TIMP2: variants seen among roughly 807,000 people sequenced by gnomAD.
The protein encoded by TIMP2 is metalloproteinase inhibitor 2.
A neutral mutation model predicts 24.3 loss-of-function variants in TIMP2; 5 were observed. That is an observed-to-expected ratio of 0.21 (90% CI 0.11 to 0.43). The LOEUF is 0.43. TIMP2 is among the 20% of genes least tolerant of loss of function. The probability of loss-of-function intolerance (pLI) is 1.00; values close to 1 mark genes in which losing one functional copy is unlikely to be tolerated. For missense variants in TIMP2, 221 were observed against 297.5 expected (o/e 0.74, Z 1.89); for synonymous variants, 130 against 123.2 (o/e 1.06, Z -0.37).
At position 78,855,684 on chromosome 17, in the gene TIMP2, C is replaced by T. The variant is rs570205003; in HGVS notation, c.646G>A (p.Asp216Asn). The T allele has an allele frequency of 2.1e-5, 34 of 1,613,866 alleles. No homozygotes were observed. Among genetic ancestry groups the T allele is most frequent in the East Asian group, 1.8e-4 (8 of 44,848 alleles). The change falls in exon 5 of 5, where the codon GAC becomes AAC. Residue 216 changes from aspartate to asparagine, a missense_variant. Asp to Asn is a conservative substitution (Grantham distance 23). Coordinates refer to ENST00000262768, the MANE Select transcript of TIMP2 (RefSeq NM_003255.5). The surrounding 1 kb of genome is among the most constrained non-coding windows in gnomAD (Gnocchi z 6.0). The part of the protein sequence containing the change: ...GAAPPKQEFL[D>N]IEDP The stretch of plus-strand genomic sequence containing the variant: ...AGGCCTGCTTATGGGTCCTCGATGT[C>T]GAGAAACTCCTGCTTGGGGGGCGCC...
intron 1 of TIMP2, among the ~76,000 whole-genome samples, chr17:78,893,207 G>GCA (rs1301294305): frequency 7.6e-6 from 1 of 132,446 alleles, no homozygotes; most frequent in Non-Finnish European, 1.6e-5. Context: ...AAGGATGTGT[G>GCA]TGCATGTGTG....
At position 78,855,192 on chromosome 17, in the gene TIMP2, C is replaced by T. The variant is rs963016905; in HGVS notation, c.*475G>A. 2.8e-5 allele frequency: 5 copies of T among 176,784 alleles called. No individual in the cohort carries two copies. The highest frequency in any genetic ancestry group is 1.4e-4 in the East Asian group (1 of 7,368). 11.0% of individuals were successfully genotyped at this position (176,784 alleles called of 1,614,324 possible). The stretch of plus-strand genomic sequence containing the variant: ...TTGCCAGGGGCAGGGAGTGCAGAGG[C>T]GTGGAAGCTGCAGAAAACAAGGGCC... On this transcript the variant is annotated 3_prime_UTR_variant, in exon 5 of 5. Transcript: ENST00000262768. The surrounding 1 kb of genome is among the most constrained non-coding windows in gnomAD (Gnocchi z 6.0).
intron 1 of TIMP2, chr17:78,874,287 CT>C (rs34640828): frequency 0.92 from 173,956 of 189,102 alleles, 80,309 homozygotes; most frequent in African/African-American, 0.94. Flanking sequence ...GTGCTTTTGG[CT>C]TTTTTTTTCC....
chr17:78,856,797 G>A (rs1258470293), intron 4 of TIMP2: 2 of 152,244 alleles, frequency 1.3e-5, no homozygotes, highest in Non-Finnish European at 2.9e-5. Context: ...TGAAAATGTC[G>A]GGAATGTTGG....
At chr17:78,876,847 G>T (rs946867472) in intron 1 of TIMP2, among the ~76,000 whole-genome samples, 2 of 152,012 alleles carry the variant, frequency 1.3e-5, no homozygotes, top group African/African-American at 4.8e-5. Flanking sequence ...AGTTTCTTCC[G>T]CCCCAAATGC....
intron 3 of TIMP2, among the ~76,000 whole-genome samples, chr17:78,862,911 C>T (rs567911041): frequency 6.6e-6 from 1 of 152,332 alleles, no homozygotes; most frequent in African/African-American, 2.4e-5. Context: ...TTCACGGCTG[C>T]GTAGTATTCC....
At chr17:78,892,430 C>G in intron 1 of TIMP2, 2 of 1,549,814 alleles carry the variant, frequency 1.3e-6, no homozygotes, top group Non-Finnish European at 1.7e-6. Context: ...GCCTGAGGAG[C>G]CACAGAAGCC....
intron 1 of TIMP2, among the ~76,000 whole-genome samples, chr17:78,909,295 C>T (rs1043612687): frequency 6.6e-6 from 1 of 151,888 alleles, no homozygotes; most frequent in Non-Finnish European, 1.5e-5. Context: ...GTTAAAGCTA[C>T]AGTGAGCTAG....
intron 3 of TIMP2, among the ~76,000 whole-genome samples, chr17:78,869,921 A>G (rs2069660373): frequency 6.6e-6 from 1 of 152,276 alleles, no homozygotes; most frequent in East Asian, 1.9e-4. Context: ...CAAACACTGC[A>G]GGGTTCCACC....
At chr17:78,869,858 C>T (rs773698214) in intron 3 of TIMP2, among the ~76,000 whole-genome samples, 9 of 152,144 alleles carry the variant, frequency 5.9e-5, no homozygotes, top group Non-Finnish European at 1.0e-4. Flanking sequence ...TATGCTGTAA[C>T]GTGAACGAAC....
intron 1 of TIMP2, among the ~76,000 whole-genome samples, chr17:78,915,944 G>T (rs941404368): frequency 6.6e-6 from 1 of 152,214 alleles, no homozygotes; most frequent in African/African-American, 2.4e-5. Context: ...GAAGGAAATG[G>T]GTTGACACTA....
intron 1 of TIMP2, chr17:78,892,536 C>T (rs1161869228): frequency 8.2e-6 from 12 of 1,471,034 alleles, no homozygotes; most frequent in Admixed American, 5.1e-5. Flanking sequence ...GACAAGCACA[C>T]GGGATTCTCA....
Position 78,888,362 on chromosome 17 carries a change from G to A in TIMP2, c.131-14443C>T, listed in dbSNP as rs117999476. On this transcript the variant is annotated intron_variant, in intron 1 of 4. Transcript: ENST00000262768. ...TTTAGTAGAGACAGCGTTTCACAGTGTTGACCAGGCTGTTCTCAAACTCCT... is the reference window on the plus strand; with the variant it reads ...TTTAGTAGAGACAGCGTTTCACAGTATTGACCAGGCTGTTCTCAAACTCCT... Among the ~76,000 whole-genome samples, 308 of 152,164 alleles carry A rather than the reference G, an allele frequency of 2.0e-3. 6 individuals are homozygous for A. The East Asian group carries it at 0.05, about 25-fold the overall frequency.
chr17:78,867,762 A>C (rs1236868957), intron 3 of TIMP2, among the ~76,000 whole-genome samples: 3 of 147,598 alleles, frequency 2.0e-5, no homozygotes, highest in South Asian at 2.2e-4. Flanking sequence ...CGCCCGGCTA[A>C]TTTTTTTTTT....
intron 1 of TIMP2, among the ~76,000 whole-genome samples, chr17:78,894,885 A>G (rs2069974560): frequency 6.6e-6 from 1 of 152,234 alleles, no homozygotes; most frequent in Non-Finnish European, 1.5e-5. Flanking sequence ...TACGGACTGG[A>G]AGGAAATATT....
At chr17:78,915,053 C>T (rs1009469979) in intron 1 of TIMP2, among the ~76,000 whole-genome samples, 5 of 151,322 alleles carry the variant, frequency 3.3e-5, no homozygotes, top group East Asian at 2.0e-4. Context: ...CCCGCCACCA[C>T]GCCCAGCTAA....
chr17:78,892,411 C>G, intron 1 of TIMP2: 1 of 1,550,352 alleles, frequency 6.5e-7, no homozygotes, highest in Non-Finnish European at 8.7e-7. Context: ...GTTCAAGGGG[C>G]GCCCCCGGGC....
chr17:78,922,890 A>G (rs11654008), intron 1 of TIMP2, among the ~76,000 whole-genome samples: 116,896 of 152,068 alleles, frequency 0.77, 45,914 homozygotes, highest in Admixed American at 0.86. Context: ...GTGTTCCTTG[A>G]AAATGGAACC....
intron 1 of TIMP2, chr17:78,901,656 CA>C: frequency 1.4e-6 from 1 of 708,324 alleles, no homozygotes; most frequent in Non-Finnish European, 2.6e-6. Context: ...CAAGCGACTT[CA>C]CTCTGGGTGC....
Sources: gnomAD v4.1 joint callset for allele counts (sites outside exome capture counted in the v4.1 genomes callset) on GRCh38, gnomAD v4.1.1 for gene constraint, Gnocchi (gnomAD v3.1) non-coding constraint, MANE v1.5 for transcripts, NCBI Gene and HGNC (gene_info 2026-07-23, HGNC 2026-07-21) for gene names.